DPP6: variants seen among roughly 807,000 people sequenced by gnomAD.
The protein encoded by DPP6 is A-type potassium channel modulatory protein DPP6.
In DPP6, 69 loss-of-function variants were observed where a neutral mutation model predicts 122.6. The ratio of observed to expected loss-of-function variants is 0.56; its 90% CI spans 0.46 to 0.69. The LOEUF (loss-of-function observed/expected upper bound fraction) is 0.69, where lower values mean the gene tolerates loss of function less well. Among genes scored for constraint, DPP6 ranks in the 30% least tolerant of loss-of-function variants. DPP6 has a pLI of 0.00. For missense variants in DPP6, 928 were observed against 1,116.9 expected (o/e 0.83, Z 2.41); for synonymous variants, 418 against 433.1 (o/e 0.97, Z 0.43).
the DPP6 span, among the ~76,000 whole-genome samples, chr7:153,765,853 T>C: frequency 2.0e-5 from 3 of 152,184 alleles, no homozygotes; most frequent in South Asian, 2.1e-4. Context: ...GAATGACTTA[T>C]CCTTTTCACA....
chr7:154,559,916 T>A (rs947220850), intron 4 of DPP6, among the ~76,000 whole-genome samples: 2 of 69,466 alleles, frequency 2.9e-5, no homozygotes, highest in South Asian at 5.1e-4. Context: ...TTAAAAAAAA[T>A]AATATATATA....
rs1298977183 is a variant in DPP6 at position 154,624,066 on chromosome 7, AC to A, written c.628-13754del. Reference sequence around the variant, plus strand: ...AAAATTAGGCCGGGTGTAGTGGCTCACGCCAGTAATCCCAGCATTTGGAGAG... The same window carrying A: ...AAAATTAGGCCGGGTGTAGTGGCTCAGCCAGTAATCCCAGCATTTGGAGAG... On this transcript the variant is annotated intron_variant, in intron 5 of 25. Coordinates refer to ENST00000377770, the MANE Select transcript of DPP6 (RefSeq NM_130797.4). This position sits in a 1 kb window ranked among gnomAD's most constrained non-coding sequence, Gnocchi z 4.7. Among the ~76,000 whole-genome samples, 6 of 152,224 alleles carry A rather than the reference AC, an allele frequency of 3.9e-5. No individual in the cohort carries two copies. Among genetic ancestry groups the A allele is most frequent in the African/African-American group, 1.4e-4 (6 of 41,540 alleles).
chr7:154,538,809 G>A (rs1403688126), intron 3 of DPP6, among the ~76,000 whole-genome samples: 1 of 152,220 alleles, frequency 6.6e-6, no homozygotes, highest in Non-Finnish European at 1.5e-5. Context: ...TCATTCAATA[G>A]ATGCACCTTG....
At chr7:154,650,359 A>AGGAGG (rs1344087047) in intron 6 of DPP6, among the ~76,000 whole-genome samples, 1 of 150,706 alleles carries the variant, frequency 6.6e-6, no homozygotes, top group Non-Finnish European at 1.5e-5. Context: ...AGGAGGGCAG[A>AGGAGG]GGAGGGGAGG....
At chr7:154,490,577 C>A (rs1407376942) in intron 3 of DPP6, among the ~76,000 whole-genome samples, 2 of 152,236 alleles carry the variant, frequency 1.3e-5, no homozygotes, top group Admixed American at 6.5e-5. Flanking sequence ...TCACTCCCAT[C>A]TCAAACACCT....
chr7:154,892,542 C>A lies in DPP6; in HGVS notation c.*62C>A. On this transcript the variant is annotated 3_prime_UTR_variant, in exon 26 of 26. Transcript: ENST00000377770. ...ACAACCAGATGCAACCGAGGGATTTCCCTGCCCTCCCTCTTCCCTCGGAGG... is the reference window on the plus strand; with the variant it reads ...ACAACCAGATGCAACCGAGGGATTTACCTGCCCTCCCTCTTCCCTCGGAGG... The A allele has an allele frequency of 6.3e-7, 1 of 1,599,660 alleles. No homozygotes were observed. Among genetic ancestry groups the A allele is most frequent in the Non-Finnish European group, 8.5e-7 (1 of 1,171,448 alleles).
the DPP6 span, among the ~76,000 whole-genome samples, chr7:153,792,674 G>C: frequency 1.7e-3 from 252 of 149,460 alleles, no homozygotes; most frequent in African/African-American, 5.7e-3. Context: ...TTTTTTTTCA[G>C]AGCAGGATTG....
chr7:154,207,980 T>G (rs1194518409), intron 1 of DPP6, among the ~76,000 whole-genome samples: 1 of 152,036 alleles, frequency 6.6e-6, no homozygotes, highest in Non-Finnish European at 1.5e-5. Context: ...TAAGAATATG[T>G]GTATTCCCGT....
chr7:153,934,141 G>A (rs1369011545), intron 1 of DPP6, among the ~76,000 whole-genome samples: 2 of 152,150 alleles, frequency 1.3e-5, no homozygotes, highest in Non-Finnish European at 2.9e-5. Flanking sequence ...CCTGAAGTGT[G>A]AGGGATTCAG....
intron 5 of DPP6, among the ~76,000 whole-genome samples, chr7:154,614,845 A>G (rs984107879): frequency 6.6e-6 from 1 of 152,224 alleles, no homozygotes; most frequent in African/African-American, 2.4e-5. Context: ...AGAAAATTGC[A>G]AAAGAGGCCA....
chr7:154,852,230 G>T (rs571374596), intron 16 of DPP6, among the ~76,000 whole-genome samples: 2 of 152,202 alleles, frequency 1.3e-5, no homozygotes, highest in South Asian at 2.1e-4. Flanking sequence ...GATGATGACC[G>T]CAGGAATACT....
chr7:154,357,130 G>C (rs1811331391), intron 1 of DPP6, among the ~76,000 whole-genome samples: 1 of 152,088 alleles, frequency 6.6e-6, no homozygotes, highest in East Asian at 1.9e-4. Context: ...ACAATGAATA[G>C]CTGACCTATA....
chr7:153,865,073 C>T, the DPP6 span, among the ~76,000 whole-genome samples: 5 of 151,940 alleles, frequency 3.3e-5, no homozygotes, highest in East Asian at 1.9e-4. Context: ...CTGATTAACA[C>T]GAATCAACTA....
At chr7:154,881,058 T>C in intron 21 of DPP6, 116 bp downstream of exon 21, 1 of 1,402,214 alleles carries the variant, frequency 7.1e-7, no homozygotes, top group Non-Finnish European at 9.3e-7. Context: ...GAGCAAGTAA[T>C]TTTTTAAAAT....
chr7:154,387,668 T>C (rs1284272294), intron 1 of DPP6, among the ~76,000 whole-genome samples: 1 of 152,154 alleles, frequency 6.6e-6, no homozygotes, highest in African/African-American at 2.4e-5. Flanking sequence ...ACTGTTTTCA[T>C]CCAGTCCTCT....
intron 1 of DPP6, among the ~76,000 whole-genome samples, chr7:154,040,837 C>A (rs57411897): frequency 0.15 from 21,697 of 149,122 alleles, 2,969 homozygotes; most frequent in African/African-American, 0.36. Flanking sequence ...ATGGCCTGTG[C>A]AGCTCTTTCC....
At chr7:154,852,419 C>T (rs577339879) in intron 16 of DPP6, among the ~76,000 whole-genome samples, 3 of 152,190 alleles carry the variant, frequency 2.0e-5, no homozygotes, top group African/African-American at 7.2e-5. Flanking sequence ...CCCACTTCCT[C>T]TTTCTCCCTG....
intron 1 of DPP6, among the ~76,000 whole-genome samples, chr7:154,354,144 G>A (rs1811090680): frequency 6.6e-6 from 1 of 152,146 alleles, no homozygotes; most frequent in South Asian, 2.1e-4. Flanking sequence ...CACGCCTGGG[G>A]AAGTATCACT....
Position 154,604,512 on chromosome 7 carries a change from G to A in DPP6, c.628-33309G>A, listed in dbSNP as rs1270962518. On this transcript the variant is annotated intron_variant, in intron 5 of 25. Transcript: ENST00000377770. Reference sequence around the variant, plus strand: ...AGTTGGAGAGAATTGACTACTTTATGATGTTGAATTATCCCATCCTGGAAT... The same window carrying A: ...AGTTGGAGAGAATTGACTACTTTATAATGTTGAATTATCCCATCCTGGAAT... Among the ~76,000 whole-genome samples, 7 of 120,616 alleles carry A rather than the reference G, an allele frequency of 5.8e-5. 3 individuals are homozygous for A. Among genetic ancestry groups the A allele is most frequent in the Non-Finnish European group, 1.1e-4 (6 of 53,502 alleles). The allele number at this position is 120,616 out of a possible 152,430, so 79.1% of individuals were successfully genotyped here.
Sources: gnomAD v4.1 joint callset for allele counts (sites outside exome capture counted in the v4.1 genomes callset) on GRCh38, gnomAD v4.1.1 for gene constraint, Gnocchi (gnomAD v3.1) non-coding constraint, MANE v1.5 for transcripts, NCBI Gene and HGNC (gene_info 2026-07-23, HGNC 2026-07-21) for gene names.